Variants in CNTNAP2 observed in about 807,000 individuals in gnomAD.
The protein encoded by CNTNAP2 is contactin associated protein 2.
In CNTNAP2, 98 loss-of-function variants were observed where a neutral mutation model predicts 155.2. The ratio of observed to expected loss-of-function variants is 0.63; its 90% confidence interval spans 0.54 to 0.75. The LOEUF (loss-of-function observed/expected upper bound fraction) is 0.75. Ranked by LOEUF, CNTNAP2 falls within the 30% of genes least tolerant of loss-of-function variation. The pLI, the probability that CNTNAP2 is intolerant of heterozygous loss-of-function variation, is 0.00. For synonymous variants in CNTNAP2, 651 were observed against 631.2 expected, an observed-to-expected ratio of 1.03 and a Z score of -0.47; for missense variants, 1,727 against 1,688.1, an observed-to-expected ratio of 1.02 and a Z score of -0.40.
chr7:147,995,982 T>C (rs1029576431), intron 15 of CNTNAP2, among the ~76,000 whole-genome samples: 1 of 152,194 alleles, frequency 6.6e-6, no homozygotes, highest in Non-Finnish European at 1.5e-5. Context: ...ACCATTTGTA[T>C]TGTGAATTTT....
At chr7:146,632,997 C>A (rs977313200) in intron 1 of CNTNAP2, among the ~76,000 whole-genome samples, 2 of 151,442 alleles carry the variant, frequency 1.3e-5, no homozygotes, top group Non-Finnish European at 2.9e-5. Flanking sequence ...AATGAATGCT[C>A]TCCACAATCA....
intron 13 of CNTNAP2, among the ~76,000 whole-genome samples, chr7:147,661,931 A>T (rs969489990): frequency 6.6e-6 from 1 of 152,086 alleles, no homozygotes; most frequent in Non-Finnish European, 1.5e-5. Flanking sequence ...TTTGAGTTAG[A>T]TTGCAGTCAT....
intron 4 of CNTNAP2, among the ~76,000 whole-genome samples, chr7:147,078,864 G>A (rs953941643): frequency 1.3e-5 from 2 of 151,406 alleles, no homozygotes; most frequent in South Asian, 2.1e-4. Flanking sequence ...ATTCTCCTAC[G>A]TCAGTCTCCC....
intron 1 of CNTNAP2, among the ~76,000 whole-genome samples, chr7:146,696,648 T>C (rs1338414753): frequency 1.3e-5 from 2 of 152,124 alleles, no homozygotes; most frequent in African/African-American, 4.8e-5. Context: ...TTCTAATACA[T>C]GCATTCAGTG....
chr7:146,439,771 T>G, intron 1 of CNTNAP2, among the ~76,000 whole-genome samples: 1 of 151,564 alleles, frequency 6.6e-6, no homozygotes, highest in East Asian at 1.9e-4. Context: ...ACACCTTTCC[T>G]TACATTGTAT....
chr7:147,802,348 G>T (rs1168615056), intron 13 of CNTNAP2, among the ~76,000 whole-genome samples: 1 of 151,134 alleles, frequency 6.6e-6, no homozygotes. Flanking sequence ...GCCAGGCAGA[G>T]ACACTCCTCA....
At chr7:148,371,629 A>G (rs1341780624) in intron 21 of CNTNAP2, among the ~76,000 whole-genome samples, 1 of 152,200 alleles carries the variant, frequency 6.6e-6, no homozygotes, top group Non-Finnish European at 1.5e-5. Context: ...CTCATGATTA[A>G]TCTACCTTTA....
At chr7:148,148,944 T>G (rs1262991924) in intron 17 of CNTNAP2, among the ~76,000 whole-genome samples, 1 of 152,212 alleles carries the variant, frequency 6.6e-6, no homozygotes, top group East Asian at 1.9e-4. Flanking sequence ...AAGTTATAGA[T>G]CACAAAATTA....
At chr7:148,088,450 A>G (rs754929957) in intron 15 of CNTNAP2, among the ~76,000 whole-genome samples, 9 of 151,944 alleles carry the variant, frequency 5.9e-5, no homozygotes, top group South Asian at 2.1e-4. Context: ...AAAAGAGAAG[A>G]CTCAAATAAA....
intron 15 of CNTNAP2, among the ~76,000 whole-genome samples, chr7:148,043,084 A>G (rs947180735): frequency 6.6e-6 from 1 of 152,218 alleles, no homozygotes; most frequent in African/African-American, 2.4e-5. Flanking sequence ...ATGGTTTGAC[A>G]CTACATCTCT....
At chr7:146,355,232 C>T (rs1371658533) in intron 1 of CNTNAP2, among the ~76,000 whole-genome samples, 2 of 152,152 alleles carry the variant, frequency 1.3e-5, no homozygotes, top group African/African-American at 4.8e-5. Context: ...TGATAATTTA[C>T]ATATCAAAAA....
chr7:147,199,675 T>C (rs1349800869), intron 8 of CNTNAP2, among the ~76,000 whole-genome samples: 3 of 151,934 alleles, frequency 2.0e-5, no homozygotes, highest in Non-Finnish European at 2.9e-5. Context: ...TCCTTGGAGA[T>C]TGTGGATGAA....
At chr7:146,916,530 T>A (rs778374924) in intron 3 of CNTNAP2, among the ~76,000 whole-genome samples, 1 of 152,086 alleles carries the variant, frequency 6.6e-6, no homozygotes, top group Non-Finnish European at 1.5e-5. Flanking sequence ...CTGTTCAGAG[T>A]TTCTATTTCT....
intron 20 of CNTNAP2, among the ~76,000 whole-genome samples, chr7:148,238,758 T>C (rs1796092149): frequency 6.6e-6 from 1 of 152,222 alleles, no homozygotes; most frequent in African/African-American, 2.4e-5. Context: ...ACCTCTTGTC[T>C]GTCCATTTTA....
At chr7:147,020,876 G>A (rs1798806267) in intron 3 of CNTNAP2, among the ~76,000 whole-genome samples, 1 of 152,084 alleles carries the variant, frequency 6.6e-6, no homozygotes, top group Non-Finnish European at 1.5e-5. Flanking sequence ...AGAACACTAA[G>A]GTTGGGCAAC....
At chr7:147,303,061 C>T (rs1319622174) in intron 9 of CNTNAP2, among the ~76,000 whole-genome samples, 2 of 152,156 alleles carry the variant, frequency 1.3e-5, no homozygotes, top group Admixed American at 6.5e-5. Flanking sequence ...GAATGACTGG[C>T]ACAGGATCAC....
chr7:146,245,597 G>C (rs1799634176), intron 1 of CNTNAP2, among the ~76,000 whole-genome samples: 2 of 152,060 alleles, frequency 1.3e-5, no homozygotes, highest in South Asian at 4.1e-4. Context: ...AAGGAAAGGA[G>C]TTGTTGTTTT....
At chr7:146,688,817 G>T (rs1420079295) in intron 1 of CNTNAP2, among the ~76,000 whole-genome samples, 1 of 152,048 alleles carries the variant, frequency 6.6e-6, no homozygotes, top group East Asian at 1.9e-4. Context: ...GACTATTAAT[G>T]ACTATCCTAA....
intron 21 of CNTNAP2, among the ~76,000 whole-genome samples, chr7:148,318,310 C>T: frequency 6.6e-6 from 1 of 152,196 alleles, no homozygotes; most frequent in East Asian, 1.9e-4. Flanking sequence ...TGCCTCTCGC[C>T]ATTCTCATTT....
Sources: gnomAD v4.1 joint callset for allele counts (sites outside exome capture counted in the v4.1 genomes callset) on GRCh38, gnomAD v4.1.1 for gene constraint, MANE v1.5 for transcripts, NCBI Gene and HGNC (gene_info 2026-07-23, HGNC 2026-07-21) for gene names.